ZNF385D: variants seen among roughly 807,000 people sequenced by gnomAD.
ZNF385D encodes zinc finger protein 659.
Under a neutral mutation model 35.8 loss-of-function variants are expected in ZNF385D, and 15 were observed. The observed-to-expected ratio is 0.42, with a 90% CI of 0.28 to 0.64. The LOEUF (loss-of-function observed/expected upper bound fraction) is 0.64, where lower values mean the gene tolerates loss of function less well. Among genes scored for constraint, ZNF385D ranks in the 30% least tolerant of loss-of-function variants. ZNF385D has a pLI of 0.23. For missense variants in ZNF385D, 474 were observed against 494.6 expected (o/e 0.96, Z 0.39); for synonymous variants, 212 against 186.8 (o/e 1.13, Z -1.10).
At chr3:22,362,455 T>C in intron 2 of ZNF385D, among the ~76,000 whole-genome samples, 1 of 152,228 alleles carries the variant, frequency 6.6e-6, no homozygotes, top group African/African-American at 2.4e-5. Flanking sequence ...GTCAAACTCT[T>C]CTTTATGAGG....
intron 3 of ZNF385D, among the ~76,000 whole-genome samples, chr3:21,766,543 C>A (rs2125599062): frequency 6.6e-6 from 1 of 152,192 alleles, no homozygotes; most frequent in African/African-American, 2.4e-5. Flanking sequence ...ATTTCAATTT[C>A]TGGTAACTCA....
At chr3:21,883,798 T>C (rs1341677994) in intron 3 of ZNF385D, among the ~76,000 whole-genome samples, 1 of 152,054 alleles carries the variant, frequency 6.6e-6, no homozygotes, top group East Asian at 1.9e-4. Flanking sequence ...ATTTAGGCAA[T>C]GCACATTATT....
chr3:21,708,152 T>C (rs10510516), intron 1 of ZNF385D, among the ~76,000 whole-genome samples: 8,135 of 152,310 alleles, frequency 0.053, 320 homozygotes, highest in East Asian at 0.15. Flanking sequence ...AGCATCAGTT[T>C]AAATTTGTTG....
chr3:22,266,927 T>C (rs1700925653), intron 2 of ZNF385D, among the ~76,000 whole-genome samples: 1 of 151,718 alleles, frequency 6.6e-6, no homozygotes, highest in Non-Finnish European at 1.5e-5. Flanking sequence ...CAAAACAATC[T>C]TTCCTTCCGA....
chr3:21,816,757 G>T (rs150474284), intron 3 of ZNF385D, among the ~76,000 whole-genome samples: 1,839 of 152,234 alleles, frequency 0.012, 15 homozygotes, highest in Middle Eastern at 0.044. Context: ...TGGCCATACT[G>T]CCCAAGGTAA....
intron 2 of ZNF385D, among the ~76,000 whole-genome samples, chr3:22,303,066 T>G (rs904540856): frequency 6.6e-6 from 1 of 152,170 alleles, no homozygotes; most frequent in African/African-American, 2.4e-5. Context: ...ATAACATAAT[T>G]GGTGCATACT....
At chr3:22,177,745 CACA>C (rs1694932849) in intron 2 of ZNF385D, among the ~76,000 whole-genome samples, 1 of 152,174 alleles carries the variant, frequency 6.6e-6, no homozygotes, top group South Asian at 2.1e-4. Context: ...CCCCAAACCC[CACA>C]ACAGTCCCTG....
intron 2 of ZNF385D, among the ~76,000 whole-genome samples, chr3:22,234,393 T>C (rs1351389253): frequency 6.6e-6 from 1 of 152,094 alleles, no homozygotes; most frequent in Non-Finnish European, 1.5e-5. Flanking sequence ...GGCAATCTCT[T>C]CCTCTGTTGT....
intron 3 of ZNF385D, among the ~76,000 whole-genome samples, chr3:21,526,483 A>G (rs1215496948): frequency 1.3e-5 from 2 of 152,182 alleles, no homozygotes. Flanking sequence ...CAATATATCT[A>G]TATATACATT....
intron 2 of ZNF385D, among the ~76,000 whole-genome samples, chr3:22,240,119 G>C (rs1473522279): frequency 6.9e-6 from 1 of 144,540 alleles, no homozygotes; most frequent in Non-Finnish European, 1.5e-5. Context: ...GGAGGTCAAG[G>C]CTGCAGTGAG....
chr3:21,973,504 G>T (rs1703397743), intron 3 of ZNF385D, among the ~76,000 whole-genome samples: 1 of 151,902 alleles, frequency 6.6e-6, no homozygotes, highest in Admixed American at 6.6e-5. Context: ...TCTAAGATCT[G>T]GGATGAGACA....
intron 2 of ZNF385D, among the ~76,000 whole-genome samples, chr3:22,223,666 T>G (rs1698390690): frequency 6.6e-6 from 1 of 152,160 alleles, no homozygotes. Context: ...CTAAATATAT[T>G]TTAATAATTT....
chr3:22,270,214 T>A (rs1222752982), intron 2 of ZNF385D, among the ~76,000 whole-genome samples: 1 of 152,002 alleles, frequency 6.6e-6, no homozygotes, highest in East Asian at 1.9e-4. Context: ...TGGTACACTG[T>A]GGTCACTTAC....
intron 2 of ZNF385D, among the ~76,000 whole-genome samples, chr3:22,324,761 A>G (rs1460945872): frequency 6.6e-6 from 1 of 152,186 alleles, no homozygotes; most frequent in East Asian, 1.9e-4. Flanking sequence ...TTCCCTCACC[A>G]CAAGTGCTAC....
chr3:22,145,148 G>T (rs961381868), intron 3 of ZNF385D, among the ~76,000 whole-genome samples: 1 of 152,058 alleles, frequency 6.6e-6, no homozygotes, highest in African/African-American at 2.4e-5. Flanking sequence ...TATTACTAGA[G>T]ACTTTCTTTG....
chr3:21,756,755 T>C (rs1476890595), intron 3 of ZNF385D, among the ~76,000 whole-genome samples: 2 of 152,326 alleles, frequency 1.3e-5, no homozygotes, highest in Middle Eastern at 3.4e-3. Flanking sequence ...GAATGACATG[T>C]GCTGGAAGGC....
intron 2 of ZNF385D, among the ~76,000 whole-genome samples, chr3:21,596,231 T>G (rs2064124112): frequency 6.6e-6 from 1 of 152,114 alleles, no homozygotes. Flanking sequence ...TTAATTTGAG[T>G]CAGAAGCAAT....
intron 4 of ZNF385D, among the ~76,000 whole-genome samples, chr3:21,474,328 A>C (rs1161041929): frequency 6.6e-6 from 1 of 152,134 alleles, no homozygotes; most frequent in African/African-American, 2.4e-5. Flanking sequence ...GAGGATAGCA[A>C]ACCATGAAGA....
At chr3:22,132,552 AG>A (rs1298944022) in intron 3 of ZNF385D, among the ~76,000 whole-genome samples, 1 of 152,160 alleles carries the variant, frequency 6.6e-6, no homozygotes, top group Non-Finnish European at 1.5e-5. Context: ...GCAAAAAATT[AG>A]CCCAAATTTA....
Sources: gnomAD v4.1 joint callset for allele counts (sites outside exome capture counted in the v4.1 genomes callset) on GRCh38, gnomAD v4.1.1 for gene constraint, MANE v1.5 for transcripts, NCBI Gene and HGNC (gene_info 2026-07-23, HGNC 2026-07-21) for gene names.